The following WDR47 variants were observed in gnomAD, a reference collection of about 807,000 sequenced individuals.
WDR47 encodes the protein WD repeat domain 47.
Under a neutral mutation model 97.2 loss-of-function variants are expected in WDR47, and 32 were observed. The ratio of observed to expected loss-of-function variants is 0.33; its 90% CI spans 0.25 to 0.44. The LOEUF is 0.44. WDR47 is among the 20% of genes least tolerant of loss of function. The probability of loss-of-function intolerance (pLI) is 1.00; values close to 1 mark genes in which losing one functional copy is unlikely to be tolerated. For missense variants in WDR47, 782 were observed against 1,102.3 expected (o/e 0.71, Z 4.11); for synonymous variants, 375 against 373.5 (o/e 1.00, Z -0.05).
chr1:109,029,034 C>A (rs1662428408), intron 1 of WDR47, among the ~76,000 whole-genome samples: 1 of 152,074 alleles, frequency 6.6e-6, no homozygotes, highest in Non-Finnish European at 1.5e-5. Flanking sequence ...ATAAGTATGT[C>A]TGGAAACCAG....
chr1:109,013,787 A>T, intron 4 of WDR47, 54 bp downstream of exon 4: 1 of 1,578,998 alleles, frequency 6.3e-7, no homozygotes, highest in Non-Finnish European at 8.7e-7. Context: ...TGACTAAAAT[A>T]CTTATGACTG....
chr1:109,027,576 T>C (rs1292408216), intron 1 of WDR47, among the ~76,000 whole-genome samples: 1 of 151,718 alleles, frequency 6.6e-6, no homozygotes, highest in East Asian at 1.9e-4. Context: ...CAGGCAAGAG[T>C]GCAGTGGTGC....
rs1662450080 is a variant in WDR47, at chr1:109,029,306, C to A, written c.-9-5785G>T. Among the ~76,000 whole-genome samples the A allele has an allele frequency of 2.0e-5, 3 of 152,006 alleles. No individual in the cohort carries two copies. In the South Asian group the frequency reaches 6.2e-4, roughly 32 times the overall value. On this transcript the variant is annotated intron_variant, in intron 1 of 14. Coordinates refer to ENST00000369962, the MANE Select transcript of WDR47 (RefSeq NM_001142551.2). ...TTGGGAGGCCGAGGCAGGTGGATCA[C>A]GAGGTCAGGAGTTCAAGACCAGCCT...
intron 2 of WDR47, among the ~76,000 whole-genome samples, chr1:109,022,865 C>T (rs1157146963): frequency 6.6e-6 from 1 of 150,744 alleles, no homozygotes; most frequent in Non-Finnish European, 1.5e-5. Flanking sequence ...GGATTACAGG[C>T]GTGAGCCACC....
intron 7 of WDR47, among the ~76,000 whole-genome samples, chr1:109,000,539 G>A (rs1161131530): frequency 2.2e-5 from 3 of 138,980 alleles, no homozygotes; most frequent in African/African-American, 8.1e-5. Flanking sequence ...GGCCAGGCGT[G>A]GTGGCTCACA....
chr1:108,974,066 C>G (rs1657692658), intron 14 of WDR47, among the ~76,000 whole-genome samples: 1 of 151,972 alleles, frequency 6.6e-6, no homozygotes. Flanking sequence ...AGGTGGCATG[C>G]ACCTGTAGTC....
At chr1:109,019,183 G>C (rs1479046344) in intron 2 of WDR47, among the ~76,000 whole-genome samples, 4 of 151,894 alleles carry the variant, frequency 2.6e-5, no homozygotes, top group Non-Finnish European at 5.9e-5. Context: ...AGGAGTTCAA[G>C]ACCAGGCTGG....
intron 5 of WDR47, among the ~76,000 whole-genome samples, chr1:109,006,457 G>A (rs2101921280): frequency 6.6e-6 from 1 of 152,282 alleles, no homozygotes; most frequent in Admixed American, 6.5e-5. Flanking sequence ...AATGGCCACA[G>A]GAAGTCCCCT....
rs766190950 is a variant in WDR47 at position 109,011,256 on chromosome 1, T to A, written c.790A>T (p.Met264Leu). ...AGTTTGTCAACATGAATATTAAGCA[T>A]TTTCTGTTCAAAAGCACAAGAGAAG... is the stretch of plus-strand genomic sequence containing the variant. ...SVFSCAFEQKMLNIHVDKLLK... is the reference protein window; with the variant it reads ...SVFSCAFEQKLLNIHVDKLLK... The change falls in exon 5 of 15, where the codon ATG becomes TTG. Residue 264 changes from methionine (M) to leucine (L), a missense_variant. Met to Leu is a conservative substitution (Grantham distance 15). Coordinates refer to ENST00000369962, the MANE Select transcript of WDR47 (RefSeq NM_001142551.2). 5 of 1,614,010 alleles carry A rather than the reference T, an allele frequency of 3.1e-6. No individual in the cohort carries two copies. The African/African-American group carries it at 6.7e-5, about 22-fold the overall frequency.
intron 1 of WDR47, chr1:109,024,969 GAAC>G (rs1437370824): frequency 6.6e-6 from 1 of 152,098 alleles, no homozygotes; most frequent in African/African-American, 2.4e-5. Flanking sequence ...GCACACCTCT[GAAC>G]AACAGAGGAA....
intron 2 of WDR47, among the ~76,000 whole-genome samples, chr1:109,023,111 G>T (rs1204471639): frequency 6.6e-6 from 1 of 151,774 alleles, no homozygotes; most frequent in Non-Finnish European, 1.5e-5. Flanking sequence ...GCTGAGGCAG[G>T]AGAATGGCGT....
intron 1 of WDR47, among the ~76,000 whole-genome samples, chr1:109,032,505 CAA>C (rs35413882): frequency 4.7e-5 from 4 of 85,012 alleles, no homozygotes; most frequent in Non-Finnish European, 7.1e-5. Context: ...GAGACTGTCT[CAA>C]AAAAAAAAAA....
At chr1:108,977,829 CAA>C (rs1658035497) in intron 13 of WDR47, among the ~76,000 whole-genome samples, 1 of 151,834 alleles carries the variant, frequency 6.6e-6, no homozygotes, top group Admixed American at 6.6e-5. Context: ...TTCTCAAAAA[CAA>C]AAACGAGCTG....
intron 1 of WDR47, among the ~76,000 whole-genome samples, chr1:109,035,164 T>G (rs1341619917): frequency 6.7e-6 from 1 of 150,336 alleles, no homozygotes; most frequent in Non-Finnish European, 1.5e-5. Flanking sequence ...GAGAATTGTT[T>G]GAGTCTGGGT....
chr1:109,041,247 A>C (rs1191661616), intron 1 of WDR47, among the ~76,000 whole-genome samples: 1 of 151,246 alleles, frequency 6.6e-6, no homozygotes, highest in Non-Finnish European at 1.5e-5. Context: ...TCTTCTACGC[A>C]GGCGCCCCTC....
chr1:109,037,458 C>G (rs1663040662), intron 1 of WDR47, among the ~76,000 whole-genome samples: 1 of 151,648 alleles, frequency 6.6e-6, no homozygotes, highest in South Asian at 2.1e-4. Flanking sequence ...AACCCTGTCT[C>G]TACTAAAAAT....
intron 7 of WDR47, among the ~76,000 whole-genome samples, chr1:108,997,327 T>C (rs1461428068): frequency 1.3e-5 from 2 of 149,114 alleles, no homozygotes; most frequent in Non-Finnish European, 3.0e-5. Context: ...CCTATGGTCC[T>C]AGCTACTTGG....
chr1:108,996,415 T>A (rs1659753545), intron 7 of WDR47, among the ~76,000 whole-genome samples: 1 of 152,166 alleles, frequency 6.6e-6, no homozygotes, highest in South Asian at 2.1e-4. Flanking sequence ...TTCTTTTTCT[T>A]CCCCAATATA....
chr1:109,018,805 C>G (rs1037976069), intron 2 of WDR47, among the ~76,000 whole-genome samples: 3 of 151,402 alleles, frequency 2.0e-5, no homozygotes, highest in Non-Finnish European at 4.4e-5. Flanking sequence ...CAGAGTGAGA[C>G]CCTGTCTCAA....
Sources: allele counts gnomAD v4.1 joint callset (sites outside exome capture counted in the v4.1 genomes callset), GRCh38; gene constraint gnomAD v4.1.1; transcripts MANE v1.5; gene names NCBI Gene and HGNC (gene_info 2026-07-23, HGNC 2026-07-21).